Variants in SLK observed in about 807,000 individuals in gnomAD.
The protein encoded by SLK is STE20-like serine/threonine-protein kinase.
SLK carries 67 observed loss-of-function variants against 147.7 expected under a neutral mutation model. The observed-to-expected ratio is 0.45, with a 90% CI of 0.37 to 0.56. SLK has a LOEUF of 0.56. Ranked by LOEUF, SLK falls within the 20% of genes least tolerant of loss-of-function variation. The pLI is 0.00. For missense variants in SLK, 1,136 were observed against 1,438.8 expected (o/e 0.79, Z 3.41); for synonymous variants, 441 against 475.0 (o/e 0.93, Z 0.93).
intron 1 of SLK, among the ~76,000 whole-genome samples, chr10:103,980,358 A>G (rs1246408827): frequency 6.6e-6 from 1 of 152,170 alleles, no homozygotes; most frequent in African/African-American, 2.4e-5. Context: ...AAGATTCACC[A>G]TCGTCATGAT....
intron 13 of SLK, among the ~76,000 whole-genome samples, chr10:104,011,796 G>A (rs778936257): frequency 6.6e-6 from 1 of 152,080 alleles, no homozygotes; most frequent in African/African-American, 2.4e-5. Flanking sequence ...TCTTGACCTC[G>A]TGATCTGCCC....
At position 103,967,658 on chromosome 10, in the gene SLK, G is replaced by T; in HGVS notation, c.-88G>T. On this transcript the variant is annotated 5_prime_UTR_variant, in exon 1 of 19. Coordinates refer to ENST00000369755, the MANE Select transcript of SLK (RefSeq NM_014720.4). ...GACGCCGCGCCCGCCGCCGCCAGCC[G>T]GGCTCGCGCGGGAGAGCAGGGAAGA... The T allele has an allele frequency of 8.2e-7, 1 of 1,220,158 alleles. No individual in the cohort carries two copies. Among genetic ancestry groups the T allele is most frequent in the East Asian group, 3.1e-5 (1 of 32,266 alleles). 75.6% of individuals were successfully genotyped at this position (1,220,158 alleles called of 1,614,324 possible).
chr10:104,006,678 A>G (rs1844330005), intron 11 of SLK, among the ~76,000 whole-genome samples: 1 of 152,206 alleles, frequency 6.6e-6, no homozygotes, highest in African/African-American at 2.4e-5. Flanking sequence ...AAAAAGTATC[A>G]TTTGAAATGT....
At chr10:103,995,154 G>C (rs1346543901) in intron 4 of SLK, among the ~76,000 whole-genome samples, 1 of 152,032 alleles carries the variant, frequency 6.6e-6, no homozygotes, top group Non-Finnish European at 1.5e-5. Flanking sequence ...ATCCTCAATT[G>C]ATGACCAGTG....
At position 104,019,906 on chromosome 10, in the gene SLK, G is replaced by A. The variant is rs768974431; in HGVS notation, c.3305G>A (p.Arg1102His). 6.8e-6 allele frequency: 11 copies of A among 1,611,558 alleles called. No homozygotes were observed. The highest frequency in any genetic ancestry group is 2.7e-5 in the African/African-American group (2 of 74,822). Residue 1102 changes from arginine (R) to histidine (H), a missense_variant, in exon 16 of 19, where the codon CGT (arginine) becomes CAT (histidine). Arg to His is a conservative substitution (Grantham distance 29). Around this residue, in one of 6 missense-constraint regions of SLK, gnomAD observed 327 missense variants for 457.5 expected, o/e 0.71. Coordinates refer to ENST00000369755, the MANE Select transcript of SLK (RefSeq NM_014720.4). Reference protein sequence around the residue: ...INSTATPDQDRDKIKQFAAQE... With the variant: ...INSTATPDQDHDKIKQFAAQE... ...TCAACAGCCACACCAGATCAGGACC[G>A]TGATAAAATTAAACAGGTAAATATG...
Position 104,003,057 on chromosome 10 carries a change from A to G in SLK, c.1879A>G (p.Ile627Val). The change falls in exon 9 of 19, where the codon ATA (isoleucine) becomes GTA (valine). Residue 627 changes from isoleucine (I) to valine (V), a missense_variant. By Grantham distance (29) the Ile-to-Val change is conservative (BLOSUM62 3). Coordinates refer to ENST00000369755, the MANE Select transcript of SLK (RefSeq NM_014720.4). ...ACAAGCAATAAACAGTTCAGAGAAC[A>G]TAATGGACATCAATGAGGAACCAGG... is the stretch of plus-strand genomic sequence containing the variant. ...KEQAINSSEN[I>V]MDINEEPGTT... 6.2e-7 allele frequency: 1 copy of G among 1,614,096 alleles called. No homozygotes were observed. The highest frequency in any genetic ancestry group is 8.5e-7 in the Non-Finnish European group (1 of 1,179,946).
intron 2 of SLK, 49 bp downstream of exon 2, chr10:103,990,888 T>C (rs1003475380): frequency 3.4e-5 from 39 of 1,157,778 alleles, no homozygotes; most frequent in Middle Eastern, 5.5e-4. Context: ...GAGTTAATTG[T>C]CCTAAAGAGA....
In SLK at chr10:103,990,844, GTATT is replaced by G. The variant is rs1372758509; in HGVS notation, c.315+7_315+10del. On this transcript the variant is annotated splice_donor_region_variant and intron_variant, in intron 2 of 18. Transcript: ENST00000369755. ...TATTATGAGAACAATCTTTGGGTAAGTATTTTCTGTTGATCTAAAGGAGTAGCCA... is the reference window on the plus strand; with the variant it reads ...TATTATGAGAACAATCTTTGGGTAAGTTCTGTTGATCTAAAGGAGTAGCCA... 1.3e-6 allele frequency: 2 copies of G among 1,483,216 alleles called. No homozygotes were observed. The highest frequency in any genetic ancestry group is 1.5e-5 in the African/African-American group (1 of 68,318). 91.9% of individuals were successfully genotyped at this position (1,483,216 alleles called of 1,614,324 possible).
chr10:104,010,185 C>T (rs1473541706), intron 12 of SLK, among the ~76,000 whole-genome samples: 1 of 152,084 alleles, frequency 6.6e-6, no homozygotes, highest in East Asian at 1.9e-4. Context: ...AACTTGTCAG[C>T]AAAGGGGAAT....
chr10:104,000,115 T>G (rs1312700414), intron 7 of SLK, among the ~76,000 whole-genome samples, 167 bp downstream of exon 7: 1 of 152,246 alleles, frequency 6.6e-6, no homozygotes, highest in African/African-American at 2.4e-5. Context: ...ATCAGGCATT[T>G]AGCTTAAACG....
intron 7 of SLK, among the ~76,000 whole-genome samples, chr10:104,000,615 T>A (rs1266972622): frequency 6.6e-6 from 1 of 152,236 alleles, no homozygotes; most frequent in Non-Finnish European, 1.5e-5. Flanking sequence ...ATGTTGAGTA[T>A]ACAAAGATGA....
Position 104,014,897 on chromosome 10 carries a change from G to A in SLK, c.2878-3263G>A, listed in dbSNP as rs555699970. The stretch of plus-strand genomic sequence containing the variant: ...TTTATTTGTTAATCCAAGTGATTAA[G>A]TTCATCTTTTTTTTTTTAAGGTGTG... On this transcript the variant is annotated intron_variant, in intron 13 of 18. Coordinates refer to ENST00000369755, the MANE Select transcript of SLK (RefSeq NM_014720.4). Among the ~76,000 whole-genome samples the A allele has an allele frequency of 3.4e-4, 52 of 151,372 alleles. 1 individual carries two copies. The South Asian group carries it at 0.011, about 32-fold the overall frequency.
At chr10:103,974,298 T>C (rs1843830968) in intron 1 of SLK, among the ~76,000 whole-genome samples, 2 of 152,040 alleles carry the variant, frequency 1.3e-5, no homozygotes, top group South Asian at 4.1e-4. Flanking sequence ...TTTGAGATAC[T>C]TGGCCATTCT....
At chr10:104,014,962 C>A (rs1372503140) in intron 13 of SLK, among the ~76,000 whole-genome samples, 2 of 151,608 alleles carry the variant, frequency 1.3e-5, no homozygotes, top group East Asian at 3.9e-4. Flanking sequence ...TCTTTTCATA[C>A]CTGAAAGTAA....
intron 2 of SLK, 120 bp from the exon 3 acceptor site, chr10:103,992,478 A>C (rs1453228596): frequency 1.1e-6 from 1 of 893,808 alleles, no homozygotes; most frequent in Non-Finnish European, 1.7e-6. Context: ...TATCGTTTCC[A>C]TAACCAGATT....
chr10:103,999,668 C>G (rs985816660), intron 6 of SLK, among the ~76,000 whole-genome samples, 199 bp from the exon 7 acceptor site: 2 of 151,952 alleles, frequency 1.3e-5, no homozygotes, highest in African/African-American at 4.8e-5. Context: ...GATTATGTAC[C>G]TACTTACATA....
chr10:104,018,940 G>C (rs753241225), intron 15 of SLK, 32 bp downstream of exon 15: 1 of 1,543,118 alleles, frequency 6.5e-7, no homozygotes, highest in Admixed American at 2.3e-5. Flanking sequence ...TCATTTTTTT[G>C]TTCGTTTTAA....
chr10:103,989,315 C>A (rs1226308557), intron 1 of SLK, among the ~76,000 whole-genome samples: 1 of 152,096 alleles, frequency 6.6e-6, no homozygotes, highest in Admixed American at 6.5e-5. Context: ...TGAAAAGATA[C>A]AAGTACTACT....
At chr10:104,010,634 C>T (rs1844387433) in intron 12 of SLK, among the ~76,000 whole-genome samples, 182 bp from the exon 13 acceptor site, 1 of 152,196 alleles carries the variant, frequency 6.6e-6, no homozygotes, top group South Asian at 2.1e-4. Flanking sequence ...TCCCTTTCTG[C>T]ACTGAGATTA....
Sources: gnomAD v4.1 joint callset for allele counts (sites outside exome capture counted in the v4.1 genomes callset) on GRCh38, gnomAD v4.1.1 for gene constraint, gnomAD v4.1.1 regional missense constraint, MANE v1.5 for transcripts, NCBI Gene and HGNC (gene_info 2026-07-23, HGNC 2026-07-21) for gene names.